ZNF407: variants seen among roughly 807,000 people sequenced by gnomAD.
ZNF407 encodes zinc finger protein 407.
In ZNF407, 17 loss-of-function variants were observed where a neutral mutation model predicts 131.2. The ratio of observed to expected loss-of-function variants is 0.13; its 90% CI spans 0.09 to 0.19. The LOEUF (loss-of-function observed/expected upper bound fraction) is 0.19, where lower values mean the gene tolerates loss of function less well. Ranked by LOEUF, ZNF407 falls within the 10% of genes least tolerant of loss-of-function variation. ZNF407 has a pLI of 1.00. For missense variants in ZNF407, 2,681 were observed against 2,830.6 expected, an observed-to-expected ratio of 0.95 and a Z score of 1.20; for synonymous variants, 1,156 against 1,062.0, an observed-to-expected ratio of 1.09 and a Z score of -1.72.
At chr18:74,623,401 C>T (rs1037788552) in intron 1 of ZNF407, among the ~76,000 whole-genome samples, 20 of 151,804 alleles carry the variant, frequency 1.3e-4, no homozygotes, top group Admixed American at 9.2e-4. Context: ...GGCGGCAGAG[C>T]GAGAGCTGCA....
chr18:75,020,117 G>T (rs1039333194), intron 8 of ZNF407, among the ~76,000 whole-genome samples: 3 of 152,124 alleles, frequency 2.0e-5, no homozygotes, highest in Non-Finnish European at 4.4e-5. Flanking sequence ...GCCCCAAAGT[G>T]CAAGAGTGAT....
intron 3 of ZNF407, among the ~76,000 whole-genome samples, chr18:74,689,381 C>T (rs1441682978): frequency 6.6e-6 from 1 of 152,154 alleles, no homozygotes; most frequent in African/African-American, 2.4e-5. Flanking sequence ...ACTGTACCAA[C>T]GTTTGAGAGT....
At chr18:74,700,761 C>T (rs1300794908) in intron 3 of ZNF407, among the ~76,000 whole-genome samples, 1 of 152,086 alleles carries the variant, frequency 6.6e-6, no homozygotes, top group Non-Finnish European at 1.5e-5. Context: ...TGTTTTTTGT[C>T]TAGGAGTTTA....
At position 74,632,355 on chromosome 18, in the gene ZNF407, C is replaced by T; in HGVS notation, c.1336C>T (p.Leu446Phe). 6.2e-7 allele frequency: 1 copy of T among 1,613,972 alleles called. No homozygotes were observed. ...GGGCCAGGCAAAGAAAAGGTTTAAT[C>T]TTTTAGGAATTAAAAGAGGTACAAG... ...LKGQAKKRFN[L>F]LGIKRGTSET... The change falls in exon 2 of 9, where the codon CTT (leucine) becomes TTT (phenylalanine). Residue 446 changes from leucine (L) to phenylalanine (F), a missense_variant. By Grantham distance (22) the Leu-to-Phe change is conservative (BLOSUM62 0). This residue lies in a region of ZNF407 where 1,789 missense variants were observed against 1,748.7 expected (regional missense o/e 1.02). Coordinates refer to ENST00000299687, the MANE Select transcript of ZNF407 (RefSeq NM_017757.3).
intron 8 of ZNF407, among the ~76,000 whole-genome samples, chr18:75,010,810 A>G (rs529870416): frequency 2.0e-5 from 3 of 152,272 alleles, no homozygotes; most frequent in East Asian, 1.9e-4. Context: ...TTGTGGATCT[A>G]TGTAAATGAA....
At chr18:74,941,500 G>A (rs1006149849) in intron 8 of ZNF407, among the ~76,000 whole-genome samples, 1 of 152,146 alleles carries the variant, frequency 6.6e-6, no homozygotes, top group Non-Finnish European at 1.5e-5. Flanking sequence ...TCCAGGCATA[G>A]AGCAAAAAGC....
intron 1 of ZNF407, among the ~76,000 whole-genome samples, chr18:74,601,457 A>G (rs1982582011): frequency 1.3e-5 from 2 of 151,978 alleles, no homozygotes; most frequent in African/African-American, 4.8e-5. Flanking sequence ...GTGTTAGGCC[A>G]TTCTTGCATT....
At chr18:74,685,114 A>C (rs1967067057) in intron 3 of ZNF407, among the ~76,000 whole-genome samples, 1 of 152,186 alleles carries the variant, frequency 6.6e-6, no homozygotes, top group Non-Finnish European at 1.5e-5. Context: ...ATAATTAGTA[A>C]TAGAAAAACT....
chr18:74,979,305 C>T (rs1972561922), intron 8 of ZNF407, among the ~76,000 whole-genome samples: 1 of 152,152 alleles, frequency 6.6e-6, no homozygotes. Flanking sequence ...CTGGAACAAA[C>T]ATCTACAAGA....
chr18:74,874,453 A>G (rs1387081118), intron 4 of ZNF407, among the ~76,000 whole-genome samples: 1 of 152,206 alleles, frequency 6.6e-6, no homozygotes, highest in Non-Finnish European at 1.5e-5. Context: ...GGTAAGCCAC[A>G]GGGCTTGGCC....
At chr18:74,841,742 A>G (rs1270889362) in intron 4 of ZNF407, among the ~76,000 whole-genome samples, 2 of 152,206 alleles carry the variant, frequency 1.3e-5, no homozygotes, top group Non-Finnish European at 2.9e-5. Flanking sequence ...GATGAATTTG[A>G]GCCATGTGCA....
At chr18:74,987,817 T>C (rs1380668079) in intron 8 of ZNF407, among the ~76,000 whole-genome samples, 2 of 152,072 alleles carry the variant, frequency 1.3e-5, no homozygotes, top group African/African-American at 4.8e-5. Context: ...AAGACCAAGA[T>C]AGTAGAGATT....
chr18:74,778,956 T>C (rs71359058), intron 3 of ZNF407, among the ~76,000 whole-genome samples: 1 of 151,640 alleles, frequency 6.6e-6, no homozygotes, highest in Non-Finnish European at 1.5e-5. Flanking sequence ...TATATATTTT[T>C]AAAAGTTATG....
intron 1 of ZNF407, among the ~76,000 whole-genome samples, chr18:74,617,508 T>C (rs1983368100): frequency 6.6e-6 from 1 of 152,218 alleles, no homozygotes. Context: ...CCTTTCTCTG[T>C]CTTTTATGAC....
chr18:74,607,132 C>T (rs183430187), intron 1 of ZNF407, among the ~76,000 whole-genome samples: 1 of 152,318 alleles, frequency 6.6e-6, no homozygotes, highest in East Asian at 1.9e-4. Flanking sequence ...TGATTCATGG[C>T]TGGTCTTTTT....
At chr18:74,858,719 G>A (rs1331580596) in intron 4 of ZNF407, among the ~76,000 whole-genome samples, 1 of 151,928 alleles carries the variant, frequency 6.6e-6, no homozygotes, top group Non-Finnish European at 1.5e-5. Flanking sequence ...AAATTGTTGG[G>A]CATATGCTTA....
At chr18:74,979,974 C>A (rs1247064233) in intron 8 of ZNF407, among the ~76,000 whole-genome samples, 1 of 151,928 alleles carries the variant, frequency 6.6e-6, no homozygotes, top group Non-Finnish European at 1.5e-5. Context: ...CTTAGGTAAT[C>A]TGTGGTGTTT....
At chr18:74,613,190 T>C (rs1029445666) in intron 1 of ZNF407, among the ~76,000 whole-genome samples, 1 of 152,254 alleles carries the variant, frequency 6.6e-6, no homozygotes, top group Non-Finnish European at 1.5e-5. Flanking sequence ...AGGCAATTTC[T>C]TGCTAAAAAG....
chr18:75,063,629 C>G lies in ZNF407; in HGVS notation c.5908C>G (p.Gln1970Glu), dbSNP rs200144549. 4 of 1,590,834 alleles carry G rather than the reference C, an allele frequency of 2.5e-6. No homozygotes were observed. In the South Asian group the frequency reaches 4.5e-5, roughly 18 times the overall value. ...GGAVIQQVTKQEILNLSEAGV... is the reference protein window; with the variant it reads ...GGAVIQQVTKEEILNLSEAGV... ...CGCTGTGATACAACAGGTGACCAAG[C>G]AGGAGATTTTAAACCTCTCGGAGGC... Residue 1970 changes from glutamine (Q) to glutamate (E), a missense_variant, in exon 9 of 9, where the codon CAG becomes GAG. Coordinates refer to ENST00000299687, the MANE Select transcript of ZNF407 (RefSeq NM_017757.3). This position sits in a 1 kb window ranked among gnomAD's most constrained non-coding sequence, Gnocchi z 6.6.
Sources: gnomAD v4.1 joint callset for allele counts (sites outside exome capture counted in the v4.1 genomes callset) on GRCh38, gnomAD v4.1.1 for gene constraint, gnomAD v4.1.1 regional missense constraint, Gnocchi (gnomAD v3.1) non-coding constraint, MANE v1.5 for transcripts, NCBI Gene and HGNC (gene_info 2026-07-23, HGNC 2026-07-21) for gene names.